PPP1R37: variants seen among roughly 807,000 people sequenced by gnomAD.
The protein encoded by PPP1R37 is protein phosphatase 1 regulatory subunit 37, also known as leucine rich repeat containing 68.
PPP1R37 carries 21 observed loss-of-function variants against 61.0 expected under a neutral mutation model. That is an observed-to-expected ratio of 0.34 (90% CI 0.24 to 0.50). The LOEUF (loss-of-function observed/expected upper bound fraction) is 0.50, where lower values mean the gene tolerates loss of function less well. PPP1R37 is among the 20% of genes least tolerant of loss of function. The probability of loss-of-function intolerance (pLI) is 0.98; values close to 1 mark genes in which losing one functional copy is unlikely to be tolerated. For missense variants in PPP1R37, 910 were observed against 952.7 expected, an observed-to-expected ratio of 0.96 and a Z score of 0.59; for synonymous variants, 443 against 433.5, an observed-to-expected ratio of 1.02 and a Z score of -0.27.
chr19:45,145,005 G>A lies in PPP1R37; in HGVS notation c.1129+10G>A, dbSNP rs970512737. ...AAGCTCACGTGCGAGGGTAGGGTAC[G>A]GGGCCGGGCCAGGGTGCGGGCTGGT... is the stretch of plus-strand genomic sequence containing the variant. On this transcript the variant is annotated intron_variant, in intron 9 of 12. Transcript: ENST00000221462. The A allele has an allele frequency of 2.6e-6, 4 of 1,532,320 alleles. No homozygotes were observed. Among genetic ancestry groups the A allele is most frequent in the Non-Finnish European group, 3.5e-6 (4 of 1,145,112 alleles). The allele number at this position is 1,532,320 out of a possible 1,614,324, so 94.9% of individuals were successfully genotyped here.
At chr19:45,129,822 C>A (rs1968453950) in intron 1 of PPP1R37, among the ~76,000 whole-genome samples, 1 of 152,234 alleles carries the variant, frequency 6.6e-6, no homozygotes, top group South Asian at 2.1e-4. Flanking sequence ...GTCCTGCCCC[C>A]ATGGGCTTTA....
chr19:45,120,232 T>C (rs748001732), intron 1 of PPP1R37, among the ~76,000 whole-genome samples: 1 of 152,112 alleles, frequency 6.6e-6, no homozygotes, highest in Non-Finnish European at 1.5e-5. Flanking sequence ...TTAGCCAGGA[T>C]GGTCTCGATC....
chr19:45,142,233 G>A, intron 6 of PPP1R37, 22 bp downstream of exon 6: 1 of 1,533,176 alleles, frequency 6.5e-7, no homozygotes, highest in South Asian at 1.2e-5. Context: ...GCCCGGGAGG[G>A]TGAGCAGGAT....
chr19:45,093,670 G>T, intron 1 of PPP1R37, 143 bp downstream of exon 1: 1 of 578,828 alleles, frequency 1.7e-6, no homozygotes, highest in Non-Finnish European at 2.9e-6. Context: ...TAGAACCGTA[G>T]TCTGTTAGAA....
In PPP1R37 at chr19:45,093,543, G is replaced by T; in HGVS notation, c.202+16G>T. On this transcript the variant is annotated intron_variant, in intron 1 of 12. Coordinates refer to ENST00000221462, the MANE Select transcript of PPP1R37 (RefSeq NM_019121.2). ...TGGAGACATGGTAGCTACCGCGGGT[G>T]AAGCGGGGGCGGGCTCGAGAGGGAC... The T allele has an allele frequency of 6.6e-7, 1 of 1,525,646 alleles. No individual in the cohort carries two copies. Among genetic ancestry groups the T allele is most frequent in the Non-Finnish European group, 8.8e-7 (1 of 1,139,262 alleles). The allele number at this position is 1,525,646 out of a possible 1,614,324, so 94.5% of individuals were successfully genotyped here. A position where few individuals can be genotyped will look rare whatever the true frequency, so the allele number is the denominator to read the frequency against.
At chr19:45,138,324 C>T (rs1968564169) in intron 1 of PPP1R37, among the ~76,000 whole-genome samples, 190 bp from the exon 2 acceptor site, 1 of 152,052 alleles carries the variant, frequency 6.6e-6, no homozygotes, top group Non-Finnish European at 1.5e-5. Context: ...GGTGGGGGTG[C>T]CCAAGGGCAC....
At chr19:45,140,389 C>A in intron 3 of PPP1R37, 108 bp downstream of exon 3, 2 of 1,286,148 alleles carry the variant, frequency 1.6e-6, no homozygotes, top group Non-Finnish European at 2.2e-6. Context: ...TGGAGCTGAG[C>A]TCAGCCAGGG....
chr19:45,103,066 A>G (rs1296051424), intron 1 of PPP1R37, among the ~76,000 whole-genome samples: 2 of 152,230 alleles, frequency 1.3e-5, no homozygotes, highest in Non-Finnish European at 2.9e-5. Context: ...AGGTCCATGA[A>G]GGCAGGACCC....
At chr19:45,114,781 C>G (rs1013950930) in intron 1 of PPP1R37, among the ~76,000 whole-genome samples, 1 of 140,974 alleles carries the variant, frequency 7.1e-6, no homozygotes, top group Non-Finnish European at 1.6e-5. Context: ...CCCCCCCCCC[C>G]ATCTCCACAA....
At chr19:45,110,232 C>G (rs1156413962) in intron 1 of PPP1R37, among the ~76,000 whole-genome samples, 1 of 151,666 alleles carries the variant, frequency 6.6e-6, no homozygotes, top group South Asian at 2.1e-4. Context: ...CCTCCCGCCT[C>G]AGCCTTCTGA....
At chr19:45,106,391 G>A (rs149922702) in intron 1 of PPP1R37, among the ~76,000 whole-genome samples, 10 of 152,132 alleles carry the variant, frequency 6.6e-5, no homozygotes, top group Non-Finnish European at 1.5e-4. Flanking sequence ...ATAGGCATGC[G>A]CCACCATGCC....
chr19:45,106,360 G>A (rs1968130650), intron 1 of PPP1R37, among the ~76,000 whole-genome samples: 1 of 152,064 alleles, frequency 6.6e-6, no homozygotes, highest in Non-Finnish European at 1.5e-5. Flanking sequence ...TCCTGCCTCA[G>A]CCTCCCAAGT....
intron 1 of PPP1R37, among the ~76,000 whole-genome samples, chr19:45,112,461 C>CT (rs1968214129): frequency 6.6e-6 from 1 of 152,244 alleles, no homozygotes; most frequent in Non-Finnish European, 1.5e-5. Context: ...TTTTACCTGA[C>CT]TGACTCCTGC....
At chr19:45,146,250 G>GTAA in intron 11 of PPP1R37, 140 bp from the exon 12 acceptor site, 12 of 929,192 alleles carry the variant, frequency 1.3e-5, no homozygotes, top group Non-Finnish European at 1.9e-5. Context: ...GGGCATGTAA[G>GTAA]GTGTGCTGCC....
chr19:45,145,812 T>TCCCCCCCCCCCCCCCCCCCCCCCC lies in PPP1R37; in HGVS notation c.1761_1762insCCCCCCCCCCCCCCCCCCCCCCCC (p.Pro587_Thr588insProProProProProProProPro). 4.1e-6 allele frequency: 5 copies of TCCCCCCCCCCCCCCCCCCCCCCCC among 1,227,586 alleles called. No homozygotes were observed. The highest frequency in any genetic ancestry group is 1.5e-5 in the South Asian group (1 of 64,834). The allele number at this position is 1,227,586 out of a possible 1,614,324, so 76.0% of individuals were successfully genotyped here. A position where few individuals can be genotyped will look rare whatever the true frequency, so the allele number is the denominator to read the frequency against. On this transcript the variant is annotated inframe_insertion, in exon 11 of 13. Coordinates refer to ENST00000221462, the MANE Select transcript of PPP1R37 (RefSeq NM_019121.2). ...GCCCGAGAGGGCAGAGCCCCCTGCGTCCCCCACCCCTCCCTCTCCCCCACC... is the reference window on the plus strand; with the variant it reads ...GCCCGAGAGGGCAGAGCCCCCTGCGTCCCCCCCCCCCCCCCCCCCCCCCCCCCCCACCCCTCCCTCTCCCCCACC...
At chr19:45,118,869 G>A (rs1057213903) in intron 1 of PPP1R37, among the ~76,000 whole-genome samples, 4 of 152,106 alleles carry the variant, frequency 2.6e-5, no homozygotes, top group African/African-American at 7.2e-5. Flanking sequence ...TAATTCTGTC[G>A]TGAGAGACTG....
In PPP1R37 at chr19:45,145,213, C is replaced by A. The variant is rs1469324332; in HGVS notation, c.1249C>A (p.His417Asn). Residue 417 changes from histidine (H) to asparagine (N), a missense_variant, in exon 10 of 13, where the codon CAC becomes AAC. This residue lies in a region of PPP1R37 where 549 missense variants were observed against 505.1 expected (regional missense o/e 1.09). Coordinates refer to ENST00000221462, the MANE Select transcript of PPP1R37 (RefSeq NM_019121.2). Reference sequence around the variant, plus strand: ...ACTGTCGTTGGCCCTCAAGGTGAACCACTCACTGCTGCGCCTGGACCTCGA... The same window carrying A: ...ACTGTCGTTGGCCCTCAAGGTGAACAACTCACTGCTGCGCCTGGACCTCGA... ...MALSLALKVNHSLLRLDLDRE... is the reference protein window; with the variant it reads ...MALSLALKVNNSLLRLDLDRE... 4 of 1,534,942 alleles carry A rather than the reference C, an allele frequency of 2.6e-6. No individual in the cohort carries two copies. Among genetic ancestry groups the A allele is most frequent in the Non-Finnish European group, 1.7e-6 (2 of 1,146,408 alleles).
intron 1 of PPP1R37, chr19:45,128,652 G>A: frequency 8.1e-7 from 1 of 1,240,660 alleles, no homozygotes; most frequent in Non-Finnish European, 1.2e-6. Context: ...ATGTAACACT[G>A]GCTTCGTGGT....
At chr19:45,102,574 C>T (rs911282058) in intron 1 of PPP1R37, among the ~76,000 whole-genome samples, 5 of 152,208 alleles carry the variant, frequency 3.3e-5, no homozygotes, top group Non-Finnish European at 5.9e-5. Flanking sequence ...CTGCCTCCCC[C>T]GGCTGTAAGG....
Sources: gnomAD v4.1 joint callset for allele counts (sites outside exome capture counted in the v4.1 genomes callset) on GRCh38, gnomAD v4.1.1 for gene constraint, gnomAD v4.1.1 regional missense constraint, MANE v1.5 for transcripts, NCBI Gene and HGNC (gene_info 2026-07-23, HGNC 2026-07-21) for gene names.